Variants in DCLK1 observed in about 807,000 individuals in gnomAD.
DCLK1 encodes serine/threonine-protein kinase DCLK1.
In DCLK1, 16 loss-of-function variants were observed where a neutral mutation model predicts 86.2. The observed-to-expected ratio is 0.19, with a 90% CI of 0.13 to 0.28. DCLK1 has a LOEUF of 0.28. Ranked by LOEUF, DCLK1 falls within the 10% of genes least tolerant of loss-of-function variation. DCLK1 has a pLI of 1.00. For missense variants in DCLK1, 590 were observed against 940.2 expected (o/e 0.63, Z 4.87); for synonymous variants, 369 against 370.5 (o/e 1.00, Z 0.05).
intron 5 of DCLK1, among the ~76,000 whole-genome samples, chr13:35,856,961 C>T (rs1871098078): frequency 6.6e-6 from 1 of 152,160 alleles, no homozygotes; most frequent in African/African-American, 2.4e-5. Flanking sequence ...CTAACCTAGG[C>T]AGTTCAAAAC....
Position 35,887,003 on chromosome 13 carries a change from T to A in DCLK1, c.824-15663A>T, listed in dbSNP as rs184141321. On this transcript the variant is annotated intron_variant, in intron 4 of 16. Coordinates refer to ENST00000360631, the MANE Select transcript of DCLK1 (RefSeq NM_001330071.2). ...CTACTCTGCTGAGAAAGCAACTGTG[T>A]TTTTAGCTGAATCCCAACTGCCCTA... 6.6e-5 allele frequency among the ~76,000 whole-genome samples: 10 copies of A among 152,312 alleles called. No individual in the cohort carries two copies. The Middle Eastern group carries it at 0.01, about 155-fold the overall frequency.
intron 6 of DCLK1, among the ~76,000 whole-genome samples, chr13:35,841,317 A>T (rs1415011385): frequency 1.3e-5 from 2 of 152,224 alleles, no homozygotes; most frequent in Non-Finnish European, 2.9e-5. Context: ...CTCGATACAG[A>T]GCTCTGACCC....
intron 4 of DCLK1, among the ~76,000 whole-genome samples, chr13:35,936,523 G>A (rs766765716): frequency 1.3e-5 from 2 of 152,252 alleles, no homozygotes; most frequent in Non-Finnish European, 2.9e-5. Context: ...GAGCCTTGCT[G>A]TGAATTCCAT....
chr13:36,054,412 C>CTAA (rs1883226409), intron 3 of DCLK1, among the ~76,000 whole-genome samples: 1 of 152,182 alleles, frequency 6.6e-6, no homozygotes, highest in Non-Finnish European at 1.5e-5. Context: ...ATGTGACAGT[C>CTAA]TAACTTTTTA....
chr13:35,896,794 A>G (rs1389510871), intron 4 of DCLK1, among the ~76,000 whole-genome samples: 2 of 152,118 alleles, frequency 1.3e-5, no homozygotes, highest in Non-Finnish European at 2.9e-5. Flanking sequence ...CCCTCAGATC[A>G]TTCCAACATA....
rs185792030 is a variant in DCLK1, at chr13:36,020,090, T to A, written c.724-72633A>T. Among the ~76,000 whole-genome samples the A allele has an allele frequency of 2.2e-3, 342 of 152,308 alleles. 1 individual carries two copies. The highest frequency in any genetic ancestry group is 7.9e-3 in the African/African-American group (329 of 41,570). On this transcript the variant is annotated intron_variant, in intron 3 of 16. Transcript: ENST00000360631. ...GCTCCCTCTCTTGCCATGTGATACA[T>A]GGCTGTCCTCTGCCTTTTGCCACGA...
In DCLK1 at chr13:35,962,032, T is replaced by C. The variant is rs112981375; in HGVS notation, c.724-14575A>G. On this transcript the variant is annotated intron_variant, in intron 3 of 16. Transcript: ENST00000360631. The stretch of plus-strand genomic sequence containing the variant: ...TTTGTAGTGTTATACTGCCCTTCAG[T>C]GTCCAAACACATGTACTGTTAACAA... 4.8e-3 allele frequency among the ~76,000 whole-genome samples: 738 copies of C among 152,366 alleles called. 5 individuals are homozygous for C. The highest frequency in any genetic ancestry group is 0.017 in the African/African-American group (699 of 41,588).
intron 5 of DCLK1, among the ~76,000 whole-genome samples, chr13:35,864,849 G>A (rs545714863): frequency 1.3e-5 from 2 of 151,802 alleles, no homozygotes; most frequent in Admixed American, 1.3e-4. Context: ...CACAGGTCTT[G>A]GTATGTTGCC....
intron 3 of DCLK1, among the ~76,000 whole-genome samples, chr13:36,101,728 TTTTA>T (rs964537056): frequency 1.3e-5 from 2 of 151,774 alleles, no homozygotes; most frequent in African/African-American, 4.9e-5. Flanking sequence ...GTACTGAGGT[TTTTA>T]TTTATTTAAT....
chr13:35,865,941 A>T (rs886529633), intron 5 of DCLK1, among the ~76,000 whole-genome samples: 2 of 152,198 alleles, frequency 1.3e-5, no homozygotes, highest in African/African-American at 4.8e-5. Flanking sequence ...AGGTGCTGTG[A>T]TGCTGTGAAT....
intron 3 of DCLK1, among the ~76,000 whole-genome samples, chr13:35,995,656 C>G (rs951316384): frequency 1.3e-5 from 2 of 152,210 alleles, no homozygotes; most frequent in African/African-American, 4.8e-5. Flanking sequence ...TTAGAATACA[C>G]TGGCTTTTCT....
chr13:35,918,227 C>G (rs998842251), intron 4 of DCLK1, among the ~76,000 whole-genome samples: 1 of 152,088 alleles, frequency 6.6e-6, no homozygotes, highest in Non-Finnish European at 1.5e-5. Flanking sequence ...GTACTCTTCC[C>G]ACCAAATCCC....
At chr13:35,820,546 C>G (rs879485594) in intron 11 of DCLK1, among the ~76,000 whole-genome samples, 1 of 152,080 alleles carries the variant, frequency 6.6e-6, no homozygotes, top group African/African-American at 2.4e-5. Flanking sequence ...AACACTTCAG[C>G]GAGGAGTAAG....
chr13:35,794,790 T>C (rs2086774704), intron 15 of DCLK1, among the ~76,000 whole-genome samples: 1 of 152,232 alleles, frequency 6.6e-6, no homozygotes, highest in Non-Finnish European at 1.5e-5. Flanking sequence ...CAGTGCTTTT[T>C]CATTATATCA....
At chr13:35,835,302 C>T (rs1869277797) in intron 8 of DCLK1, among the ~76,000 whole-genome samples, 1 of 152,146 alleles carries the variant, frequency 6.6e-6, no homozygotes. Context: ...CAAGTTCCCC[C>T]AACTTTGCAG....
rs4054844 is a variant in DCLK1, at chr13:36,056,906, A to AAAAT, written c.723+54962_723+54963insATTT. Among the ~76,000 whole-genome samples the AAAAT allele has an allele frequency of 1.5e-3, 201 of 130,154 alleles. 2 individuals carry two copies. Among genetic ancestry groups the AAAAT allele is most frequent in the East Asian group, 7.6e-3 (35 of 4,616 alleles). 85.4% of individuals were successfully genotyped at this position (130,154 alleles called of 152,430 possible). ...GCAAGACTGTGACAAAAAAAAAAAA[A>AAAAT]ATATATATATATATATATATACACA... On this transcript the variant is annotated intron_variant, in intron 3 of 16. Coordinates refer to ENST00000360631, the MANE Select transcript of DCLK1 (RefSeq NM_001330071.2).
intron 15 of DCLK1, among the ~76,000 whole-genome samples, chr13:35,804,624 C>T (rs1036804453): frequency 2.7e-5 from 4 of 150,242 alleles, no homozygotes. Context: ...GTAGAGATGG[C>T]GTTTCACCAT....
At chr13:36,043,164 T>C (rs1402248237) in intron 3 of DCLK1, among the ~76,000 whole-genome samples, 1 of 152,120 alleles carries the variant, frequency 6.6e-6, no homozygotes, top group Admixed American at 6.6e-5. Context: ...ATTTACAGCA[T>C]TTAAAATGGG....
At chr13:35,857,727 A>G (rs934956827) in intron 5 of DCLK1, among the ~76,000 whole-genome samples, 2 of 152,238 alleles carry the variant, frequency 1.3e-5, no homozygotes, top group African/African-American at 2.4e-5. Context: ...GAGTTGGCCT[A>G]CGCCCTTCAC....
Sources: gnomAD v4.1 joint callset for allele counts (sites outside exome capture counted in the v4.1 genomes callset) on GRCh38, gnomAD v4.1.1 for gene constraint, MANE v1.5 for transcripts, NCBI Gene and HGNC (gene_info 2026-07-23, HGNC 2026-07-21) for gene names.